Variants in SNX29 observed in about 807,000 individuals in gnomAD.
The protein encoded by SNX29 is sorting nexin-29.
In SNX29, 78 loss-of-function variants were observed where a neutral mutation model predicts 102.1. The observed-to-expected ratio is 0.76, with a 90% confidence interval of 0.64 to 0.92. The LOEUF (loss-of-function observed/expected upper bound fraction) is 0.92, where lower values mean the gene tolerates loss of function less well. SNX29 is among the 40% of genes least tolerant of loss of function. SNX29 has a pLI of 0.00. For synonymous variants in SNX29, 580 were observed against 414.5 expected (o/e 1.40, Z -4.85); for missense variants, 1,280 against 1,061.7 (o/e 1.21, Z -2.86).
At chr16:12,268,569 C>A (rs2079002073) in intron 14 of SNX29, among the ~76,000 whole-genome samples, 10 of 152,156 alleles carry the variant, frequency 6.6e-5, no homozygotes, top group Admixed American at 6.5e-4. Context: ...ATTGGCATCT[C>A]ACCTGGAAGG....
At chr16:12,376,195 C>T (rs1056967803) in intron 16 of SNX29, among the ~76,000 whole-genome samples, 2 of 152,174 alleles carry the variant, frequency 1.3e-5, no homozygotes, top group Admixed American at 6.5e-5. Flanking sequence ...TTTTAGAAGG[C>T]TGCACACCAC....
At chr16:12,540,893 G>C (rs1019670503) in intron 20 of SNX29, among the ~76,000 whole-genome samples, 71 of 152,214 alleles carry the variant, frequency 4.7e-4, no homozygotes, top group African/African-American at 1.6e-3. Flanking sequence ...CCCAGAGCTG[G>C]AGGGCTTCTC....
intron 20 of SNX29, among the ~76,000 whole-genome samples, chr16:12,537,599 C>T (rs572388737): frequency 1.3e-5 from 2 of 152,298 alleles, no homozygotes; most frequent in Admixed American, 6.5e-5. Flanking sequence ...TGTTCAAACT[C>T]TCACTTCAGT....
At chr16:12,333,966 C>T (rs1028464857) in intron 15 of SNX29, among the ~76,000 whole-genome samples, 3 of 152,182 alleles carry the variant, frequency 2.0e-5, no homozygotes, top group African/African-American at 7.2e-5. Flanking sequence ...AATGTAACCT[C>T]ATGGGGATGT....
Position 12,303,583 on chromosome 16 carries a change from G to C in SNX29, c.1782+25547G>C, listed in dbSNP as rs1332096078. The stretch of plus-strand genomic sequence containing the variant: ...GTGGGAAGCTATACGGAAAGGCAAG[G>C]GCATGGTAACCATAAAAATTAGGGT... On this transcript the variant is annotated intron_variant, in intron 15 of 20. Coordinates refer to ENST00000566228, the MANE Select transcript of SNX29 (RefSeq NM_032167.5). Among the ~76,000 whole-genome samples, 9 of 152,310 alleles carry C rather than the reference G, an allele frequency of 5.9e-5. No individual in the cohort carries two copies. The South Asian group carries it at 8.3e-4, about 14-fold the overall frequency.
intron 20 of SNX29, among the ~76,000 whole-genome samples, chr16:12,548,857 G>A (rs779780936): frequency 9.2e-5 from 14 of 152,186 alleles, no homozygotes; most frequent in South Asian, 2.1e-4. Flanking sequence ...CCTCTGCTCT[G>A]CAGCCAGGGC....
intron 20 of SNX29, among the ~76,000 whole-genome samples, chr16:12,536,365 A>G (rs2077080720): frequency 6.6e-6 from 1 of 152,032 alleles, no homozygotes; most frequent in African/African-American, 2.4e-5. Flanking sequence ...GGTTGGGGGT[A>G]AAGCTTGTTT....
chr16:12,230,931 A>C (rs931732516), intron 14 of SNX29, among the ~76,000 whole-genome samples: 3 of 152,016 alleles, frequency 2.0e-5, no homozygotes, highest in African/African-American at 7.2e-5. Flanking sequence ...ACTGCAACTT[A>C]CGCCTCTTGG....
intron 18 of SNX29, among the ~76,000 whole-genome samples, chr16:12,447,165 CAAAAAAAAAAAAA>C (rs59942122): frequency 1.4e-4 from 6 of 43,918 alleles, no homozygotes; most frequent in Non-Finnish European, 1.9e-4. Context: ...GACTCTGTCT[CAAAAAAAAAAAAA>C]AAAAAAAAAA....
intron 13 of SNX29, among the ~76,000 whole-genome samples, chr16:12,185,909 T>A (rs939379302): frequency 6.6e-6 from 1 of 152,212 alleles, no homozygotes; most frequent in Non-Finnish European, 1.5e-5. Context: ...ACCTCCTTGT[T>A]CCCAAATGTC....
rs542351235 is a variant in SNX29 at position 12,189,430 on chromosome 16, G to A, written c.1596-10171G>A. Reference sequence around the variant, plus strand: ...GGCCAGTTTATTGTGCAGAATGTCCGTGCCTTTGGTTTGCTTGATGTTTCC... The same window carrying A: ...GGCCAGTTTATTGTGCAGAATGTCCATGCCTTTGGTTTGCTTGATGTTTCC... On this transcript the variant is annotated intron_variant, in intron 13 of 20. Transcript: ENST00000566228. Among the ~76,000 whole-genome samples the A allele has an allele frequency of 1.3e-4, 20 of 152,264 alleles. No individual in the cohort carries two copies. In the South Asian group the frequency reaches 2.5e-3, roughly 19 times the overall value.
intron 19 of SNX29, among the ~76,000 whole-genome samples, chr16:12,512,709 C>T (rs937432262): frequency 2.6e-5 from 4 of 152,108 alleles, no homozygotes; most frequent in East Asian, 3.9e-4. Context: ...AACCATAGAC[C>T]GTCCGTGCTT....
At chr16:12,420,189 A>G (rs1391553579) in intron 18 of SNX29, among the ~76,000 whole-genome samples, 1 of 152,230 alleles carries the variant, frequency 6.6e-6, no homozygotes, top group Non-Finnish European at 1.5e-5. Context: ...GCATTGACAC[A>G]TGTCACCTGG....
intron 16 of SNX29, among the ~76,000 whole-genome samples, chr16:12,393,408 GCATGCA>G (rs1567517593): frequency 2.2e-5 from 3 of 138,078 alleles, no homozygotes; most frequent in Non-Finnish European, 4.9e-5. Flanking sequence ...ATGCATGCAT[GCATGCA>G]TTCATTCATT....
chr16:12,332,907 C>T (rs1298197171), intron 15 of SNX29, among the ~76,000 whole-genome samples: 5 of 152,084 alleles, frequency 3.3e-5, no homozygotes, highest in Non-Finnish European at 7.3e-5. Context: ...TCACTTCTCT[C>T]CTGGGCCCGC....
chr16:12,380,948 T>C (rs1444986247), intron 16 of SNX29, among the ~76,000 whole-genome samples: 1 of 25,596 alleles, frequency 3.9e-5, no homozygotes, highest in Non-Finnish European at 6.0e-5. Context: ...CATCCATCCA[T>C]CCACCCATCC....
At chr16:12,533,805 C>G (rs1036170782) in intron 20 of SNX29, among the ~76,000 whole-genome samples, 2 of 152,188 alleles carry the variant, frequency 1.3e-5, no homozygotes, top group African/African-American at 2.4e-5. Context: ...TAGGCCCCAT[C>G]AAAAGGGATC....
At chr16:12,464,944 A>G (rs1221490912) in intron 18 of SNX29, among the ~76,000 whole-genome samples, 2 of 152,176 alleles carry the variant, frequency 1.3e-5, no homozygotes, top group Non-Finnish European at 2.9e-5. Context: ...GGGCCATCCT[A>G]ACAGGTGTGC....
At chr16:12,465,073 T>C (rs2086990908) in intron 18 of SNX29, among the ~76,000 whole-genome samples, 1 of 152,214 alleles carries the variant, frequency 6.6e-6, no homozygotes, top group Admixed American at 6.5e-5. Context: ...TTACATCCTT[T>C]GCCCATTTTA....
Sources: gnomAD v4.1 joint callset for allele counts (sites outside exome capture counted in the v4.1 genomes callset) on GRCh38, gnomAD v4.1.1 for gene constraint, MANE v1.5 for transcripts, NCBI Gene and HGNC (gene_info 2026-07-23, HGNC 2026-07-21) for gene names.